Variants in CNBD1 observed in about 807,000 individuals in gnomAD.
The protein encoded by CNBD1 is cyclic nucleotide binding domain containing 1.
In CNBD1, 71 loss-of-function variants were observed where a neutral mutation model predicts 54.4. The observed-to-expected ratio is 1.30, with a 90% CI of 1.08 to 1.59. The LOEUF (loss-of-function observed/expected upper bound fraction) is 1.59. CNBD1 is among the 40% of genes most tolerant of loss of function. CNBD1 has a pLI of 0.00. For synonymous variants in CNBD1, 182 were observed against 170.7 expected (o/e 1.07, Z -0.51); for missense variants, 659 against 518.0 (o/e 1.27, Z -2.64).
intron 4 of CNBD1, among the ~76,000 whole-genome samples, chr8:87,069,973 G>T (rs1002675811): frequency 2.0e-5 from 3 of 151,988 alleles, no homozygotes; most frequent in Non-Finnish European, 4.4e-5. Context: ...GTTCTGTTCA[G>T]TTTTATTTTG....
intron 3 of CNBD1, among the ~76,000 whole-genome samples, chr8:86,931,544 G>A (rs1042850131): frequency 3.9e-5 from 6 of 152,070 alleles, no homozygotes; most frequent in East Asian, 3.9e-4. Context: ...GGCCTACTCC[G>A]TTTTCTGTCT....
At chr8:87,115,785 A>T (rs1811754986) in intron 4 of CNBD1, among the ~76,000 whole-genome samples, 2 of 152,212 alleles carry the variant, frequency 1.3e-5, no homozygotes, top group South Asian at 4.1e-4. Flanking sequence ...TATCTCTAAA[A>T]GGTCAAAGAT....
chr8:87,291,380 C>T (rs1808781198), intron 8 of CNBD1, among the ~76,000 whole-genome samples: 1 of 152,060 alleles, frequency 6.6e-6, no homozygotes, highest in Admixed American at 6.6e-5. Flanking sequence ...GATTCTATTG[C>T]TCTTTCTTGC....
At chr8:87,079,920 T>G (rs944257153) in intron 4 of CNBD1, among the ~76,000 whole-genome samples, 2 of 152,228 alleles carry the variant, frequency 1.3e-5, no homozygotes, top group Admixed American at 1.3e-4. Context: ...AAGATTTTTC[T>G]CATTTTTTTC....
intron 8 of CNBD1, among the ~76,000 whole-genome samples, chr8:87,328,220 T>C (rs912108105): frequency 1.3e-5 from 2 of 152,128 alleles, no homozygotes; most frequent in African/African-American, 2.4e-5. Flanking sequence ...TAAAACCATT[T>C]ACTGAAGAGG....
chr8:87,321,380 T>G (rs989753461), intron 8 of CNBD1, among the ~76,000 whole-genome samples: 3 of 152,302 alleles, frequency 2.0e-5, no homozygotes, highest in African/African-American at 7.2e-5. Flanking sequence ...TGTTTGATTG[T>G]GGCCATCCCA....
intron 4 of CNBD1, among the ~76,000 whole-genome samples, chr8:87,078,951 C>T (rs1413782876): frequency 6.6e-6 from 1 of 151,900 alleles, no homozygotes; most frequent in Non-Finnish European, 1.5e-5. Flanking sequence ...ATTGATACAC[C>T]ACCAATATTA....
At chr8:87,286,308 A>C (rs1808697370) in intron 7 of CNBD1, among the ~76,000 whole-genome samples, 1 of 152,206 alleles carries the variant, frequency 6.6e-6, no homozygotes, top group African/African-American at 2.4e-5. Context: ...ATAGAAGTAT[A>C]ATAAATTATG....
intron 8 of CNBD1, among the ~76,000 whole-genome samples, chr8:87,346,290 C>T (rs1810175277): frequency 6.6e-6 from 1 of 152,290 alleles, no homozygotes; most frequent in Non-Finnish European, 1.5e-5. Flanking sequence ...GATCCGCCCA[C>T]CTCAGCCTCC....
At chr8:87,112,022 C>T (rs1037131583) in intron 4 of CNBD1, among the ~76,000 whole-genome samples, 51 of 152,184 alleles carry the variant, frequency 3.4e-4, no homozygotes, top group African/African-American at 1.2e-3. Flanking sequence ...CTTATTGTTT[C>T]CGTAAACAGA....
At chr8:87,221,396 C>T (rs2130809194) in intron 5 of CNBD1, among the ~76,000 whole-genome samples, 1 of 152,172 alleles carries the variant, frequency 6.6e-6, no homozygotes, top group African/African-American at 2.4e-5. Flanking sequence ...TGTTCTTTAT[C>T]AACCTTCCTA....
intron 6 of CNBD1, among the ~76,000 whole-genome samples, chr8:87,246,338 G>A (rs940267185): frequency 6.6e-5 from 10 of 152,232 alleles, no homozygotes; most frequent in African/African-American, 2.2e-4. Flanking sequence ...AACCCCAAAT[G>A]GATGATGCCA....
intron 4 of CNBD1, among the ~76,000 whole-genome samples, chr8:86,995,709 TGTGAGA>T (rs1399028936): frequency 8.6e-5 from 13 of 150,762 alleles, no homozygotes; most frequent in Non-Finnish European, 1.5e-4. Context: ...TGTGTGTGTG[TGTGAGA>T]GAGAGAGAGA....
At chr8:86,975,823 G>A (rs1808328715) in intron 4 of CNBD1, among the ~76,000 whole-genome samples, 2 of 151,874 alleles carry the variant, frequency 1.3e-5, no homozygotes, top group South Asian at 4.1e-4. Flanking sequence ...CAAAATGTCT[G>A]TCATAATTTA....
intron 4 of CNBD1, among the ~76,000 whole-genome samples, chr8:87,174,250 G>A (rs1247657903): frequency 6.6e-6 from 1 of 152,010 alleles, no homozygotes; most frequent in Non-Finnish European, 1.5e-5. Context: ...GAGCCACCAC[G>A]CCTGGCCTCT....
At chr8:87,342,563 T>G (rs111578712) in intron 8 of CNBD1, among the ~76,000 whole-genome samples, 3,658 of 152,176 alleles carry the variant, frequency 0.024, 145 homozygotes, top group African/African-American at 0.08. Context: ...TTCAACATAG[T>G]TTCTTTCTGT....
intron 3 of CNBD1, among the ~76,000 whole-genome samples, chr8:86,910,297 G>A (rs1276062601): frequency 6.6e-6 from 1 of 152,146 alleles, no homozygotes; most frequent in Non-Finnish European, 1.5e-5. Flanking sequence ...GCTCATATTT[G>A]TAGATTATCC....
chr8:87,332,459 C>T (rs552048126), intron 8 of CNBD1, among the ~76,000 whole-genome samples: 2 of 152,018 alleles, frequency 1.3e-5, no homozygotes. Context: ...TTACCCATGC[C>T]TATTTCCTGA....
At chr8:87,326,821 A>G (rs376267065) in intron 8 of CNBD1, among the ~76,000 whole-genome samples, 3 of 111,686 alleles carry the variant, frequency 2.7e-5, no homozygotes, top group African/African-American at 9.9e-5. Context: ...GTCATTCTCC[A>G]TCCAGCTTTG....
Sources: allele counts gnomAD v4.1 joint callset (sites outside exome capture counted in the v4.1 genomes callset), GRCh38; gene constraint gnomAD v4.1.1; transcripts MANE v1.5; gene names NCBI Gene and HGNC (gene_info 2026-07-23, HGNC 2026-07-21).